Variants in ADGRL2 observed in about 807,000 individuals in gnomAD.
ADGRL2 encodes the protein calcium-independent alpha-latrotoxin receptor 2.
Under a neutral mutation model 157.4 loss-of-function variants are expected in ADGRL2, and 44 were observed. The ratio of observed to expected loss-of-function variants is 0.28; its 90% confidence interval spans 0.22 to 0.36. The LOEUF (loss-of-function observed/expected upper bound fraction) is 0.36, where lower values mean the gene tolerates loss of function less well. Among genes scored for constraint, ADGRL2 ranks in the 10% least tolerant of loss-of-function variants. The pLI, the probability that ADGRL2 is intolerant of heterozygous loss-of-function variation, is 1.00. For synonymous variants in ADGRL2, 585 were observed against 624.7 expected (o/e 0.94, Z 0.95); for missense variants, 1,510 against 1,768.9 (o/e 0.85, Z 2.63).
At chr1:81,476,165 G>C (rs1293710917) in intron 2 of ADGRL2, among the ~76,000 whole-genome samples, 1 of 151,088 alleles carries the variant, frequency 6.6e-6, no homozygotes, top group Non-Finnish European at 1.5e-5. Flanking sequence ...ATAAGTGACA[G>C]AGAGAGAAAG....
At chr1:81,961,509 C>CCT (rs1655369571) in intron 11 of ADGRL2, among the ~76,000 whole-genome samples, 1 of 137,326 alleles carries the variant, frequency 7.3e-6, no homozygotes, top group Non-Finnish European at 1.5e-5. Flanking sequence ...AATTTTCTTT[C>CCT]TTTTTTTTTT....
At chr1:81,870,238 TA>T (rs2093658001) in intron 2 of ADGRL2, among the ~76,000 whole-genome samples, 1 of 151,976 alleles carries the variant, frequency 6.6e-6, no homozygotes, top group African/African-American at 2.4e-5. Context: ...TATTTACTCC[TA>T]ATTACATAAA....
At chr1:81,451,446 G>T (rs1429372070) in intron 2 of ADGRL2, among the ~76,000 whole-genome samples, 1 of 152,182 alleles carries the variant, frequency 6.6e-6, no homozygotes, top group African/African-American at 2.4e-5. Flanking sequence ...GAAAGCCATT[G>T]TTTATACCAG....
intron 1 of ADGRL2, among the ~76,000 whole-genome samples, chr1:81,410,916 C>T (rs555217205): frequency 6.6e-6 from 1 of 152,138 alleles, no homozygotes; most frequent in Non-Finnish European, 1.5e-5. Flanking sequence ...TAAGTGTACA[C>T]AGAAAATTAA....
intron 1 of ADGRL2, among the ~76,000 whole-genome samples, chr1:81,813,120 T>C (rs1378117798): frequency 6.6e-6 from 1 of 151,762 alleles, no homozygotes; most frequent in Non-Finnish European, 1.5e-5. Flanking sequence ...TGCCAGGAAA[T>C]TTAATGATAG....
At chr1:81,524,519 A>C (rs35743566) in intron 2 of ADGRL2, among the ~76,000 whole-genome samples, 1,940 of 152,348 alleles carry the variant, frequency 0.013, 11 homozygotes, top group Non-Finnish European at 0.017. Flanking sequence ...GTGTGTGTAT[A>C]AAAGCAAAAG....
intron 3 of ADGRL2, among the ~76,000 whole-genome samples, chr1:81,581,874 G>GCACA (rs869309464): frequency 0.17 from 14,045 of 83,156 alleles, 750 homozygotes; most frequent in South Asian, 0.29. Context: ...ACACATGCGC[G>GCACA]CACACACACA....
At chr1:81,877,968 A>G (rs941300520) in intron 2 of ADGRL2, among the ~76,000 whole-genome samples, 3 of 152,168 alleles carry the variant, frequency 2.0e-5, no homozygotes, top group African/African-American at 7.2e-5. Flanking sequence ...GATTTTTTAA[A>G]AACTGGCTGG....
chr1:81,327,247 G>A (rs1477114200), intron 1 of ADGRL2, among the ~76,000 whole-genome samples: 1 of 152,160 alleles, frequency 6.6e-6, no homozygotes, highest in East Asian at 1.9e-4. Flanking sequence ...AGAATGGAAT[G>A]GGACGGGAGG....
chr1:81,694,214 A>G (rs2083398649), intron 3 of ADGRL2, among the ~76,000 whole-genome samples: 1 of 152,220 alleles, frequency 6.6e-6, no homozygotes, highest in African/African-American at 2.4e-5. Context: ...GTGCATTTAA[A>G]AAAAGCACCT....
At chr1:81,356,960 A>AAAAAAAG (rs1663353247) in intron 1 of ADGRL2, among the ~76,000 whole-genome samples, 1 of 131,844 alleles carries the variant, frequency 7.6e-6, no homozygotes, top group East Asian at 2.1e-4. Context: ...CTCAAAAAAA[A>AAAAAAAG]AAAAAAAAAA....
chr1:81,991,084 A>G lies in ADGRL2; in HGVS notation c.4349A>G (p.Glu1450Gly), dbSNP rs1181409915. The G allele has an allele frequency of 6.2e-7, 1 of 1,613,164 alleles. No homozygotes were observed. The highest frequency in any genetic ancestry group is 2.2e-5 in the East Asian group (1 of 44,852). Residue 1450 changes from glutamate (E) to glycine (G), a missense_variant, in exon 24 of 24, where the codon GAA (glutamate) becomes GGA (glycine). Glu to Gly is a moderately conservative substitution (Grantham distance 98). Around this residue, in one of 4 missense-constraint regions of ADGRL2, gnomAD observed 327 missense variants for 310.1 expected, o/e 1.05. Transcript: ENST00000686636. ...SDGYIIPINK[E>G]GCIPEGDVRE... ...GGTTATATAATCCCCATTAACAAAG[A>G]AGGGTGTATTCCAGAAGGAGATGTT...
At chr1:81,580,188 G>A (rs997946787) in intron 2 of ADGRL2, among the ~76,000 whole-genome samples, 3 of 152,224 alleles carry the variant, frequency 2.0e-5, no homozygotes, top group Admixed American at 2.0e-4. Context: ...GGTGAATGAA[G>A]TATTGTGATG....
intron 3 of ADGRL2, among the ~76,000 whole-genome samples, chr1:81,922,692 T>A (rs1273023201): frequency 6.6e-6 from 1 of 151,850 alleles, no homozygotes; most frequent in African/African-American, 2.4e-5. Context: ...CTTCTACCAC[T>A]TTTTTTTAAA....
chr1:81,738,011 T>A (rs1219562125), intron 1 of ADGRL2, among the ~76,000 whole-genome samples: 2 of 152,170 alleles, frequency 1.3e-5, no homozygotes, highest in African/African-American at 4.8e-5. Context: ...GAATTCAAAA[T>A]TTGATAGAGT....
intron 2 of ADGRL2, among the ~76,000 whole-genome samples, chr1:81,545,482 C>T (rs889865596): frequency 7.9e-5 from 12 of 151,934 alleles, no homozygotes; most frequent in Admixed American, 1.3e-4. Context: ...GGTTTCACCA[C>T]GTTGGCCAGG....
chr1:81,715,733 C>G (rs767144773), intron 1 of ADGRL2, among the ~76,000 whole-genome samples: 1 of 152,146 alleles, frequency 6.6e-6, no homozygotes, highest in Non-Finnish European at 1.5e-5. Context: ...GGGGAAATAT[C>G]TCTTATCCCC....
chr1:81,568,804 T>C (rs1216986938), intron 2 of ADGRL2, among the ~76,000 whole-genome samples: 1 of 152,158 alleles, frequency 6.6e-6, no homozygotes, highest in African/African-American at 2.4e-5. Context: ...TTCAATTCAT[T>C]TTTTAAAATT....
intron 1 of ADGRL2, among the ~76,000 whole-genome samples, chr1:81,409,727 T>A (rs564683039): frequency 1.3e-5 from 2 of 152,342 alleles, no homozygotes; most frequent in African/African-American, 4.8e-5. Context: ...CCCTCCCCTA[T>A]TCTTGTAAAT....
Sources: gnomAD v4.1 joint callset for allele counts (sites outside exome capture counted in the v4.1 genomes callset) on GRCh38, gnomAD v4.1.1 for gene constraint, gnomAD v4.1.1 regional missense constraint, MANE v1.5 for transcripts, NCBI Gene and HGNC (gene_info 2026-07-23, HGNC 2026-07-21) for gene names.